The following DAPK1 variants were observed in gnomAD, a reference collection of about 807,000 sequenced individuals.
DAPK1 encodes the protein death-associated protein kinase 1.
Under a neutral mutation model 144.9 loss-of-function variants are expected in DAPK1, and 56 were observed. The ratio of observed to expected loss-of-function variants is 0.39; its 90% confidence interval spans 0.31 to 0.48. The LOEUF (loss-of-function observed/expected upper bound fraction) is 0.48, where lower values mean the gene tolerates loss of function less well. DAPK1 is among the 20% of genes least tolerant of loss of function. DAPK1 has a pLI of 0.95. For synonymous variants in DAPK1, 690 were observed against 749.0 expected, an observed-to-expected ratio of 0.92 and a Z score of 1.29; for missense variants, 1,454 against 1,875.4, an observed-to-expected ratio of 0.78 and a Z score of 4.15.
rs758709510 is a variant in DAPK1, at chr9:87,686,772, A to C, written c.2413+33A>C. 4.6e-6 allele frequency: 7 copies of C among 1,525,916 alleles called. No homozygotes were observed. In the South Asian group the frequency reaches 8.0e-5, roughly 17 times the overall value. The allele number at this position is 1,525,916 out of a possible 1,614,324, so 94.5% of individuals were successfully genotyped here. A position where few individuals can be genotyped will look rare whatever the true frequency, so the allele number is the denominator to read the frequency against. On this transcript the variant is annotated intron_variant, in intron 21 of 25. Transcript: ENST00000408954. The surrounding 1 kb of genome is among the most constrained non-coding windows in gnomAD (Gnocchi z 4.2). ...CTGCCTGCCCCAAGGGAAGGACCTC[A>C]GGTTTCCCTTCAACAGGGTTGTAAG...
intron 2 of DAPK1, among the ~76,000 whole-genome samples, chr9:87,559,789 G>A (rs1384060207): frequency 1.3e-5 from 2 of 152,130 alleles, no homozygotes; most frequent in African/African-American, 2.4e-5. Flanking sequence ...TGTTGGAAAG[G>A]ACTCTGGTGT....
In DAPK1 at chr9:87,647,313, C is replaced by A; in HGVS notation, c.1239C>A (p.Ser413=). The part of the protein sequence containing the change: ...SRIDVQDKGG[S]NAVYWAARHG... ...GGTTGATTTTCCTGCAGGGCGGGTCCAATGCCGTCTACTGGGCTGCTCGGC... is the reference window on the plus strand; with the variant it reads ...GGTTGATTTTCCTGCAGGGCGGGTCAAATGCCGTCTACTGGGCTGCTCGGC... The change falls in exon 14 of 26, where the codon TCC becomes TCA. Residue 413 remains serine, a synonymous_variant. Coordinates refer to ENST00000408954, the MANE Select transcript of DAPK1 (RefSeq NM_004938.4). 6.2e-7 allele frequency: 1 copy of A among 1,614,126 alleles called. No individual in the cohort carries two copies. The highest frequency in any genetic ancestry group is 8.5e-7 in the Non-Finnish European group (1 of 1,179,994).
chr9:87,503,254 T>A (rs1824474416), intron 2 of DAPK1, among the ~76,000 whole-genome samples: 1 of 151,830 alleles, frequency 6.6e-6, no homozygotes, highest in Non-Finnish European at 1.5e-5. Context: ...TATATGTGTG[T>A]GTGTATATGT....
intron 2 of DAPK1, among the ~76,000 whole-genome samples, chr9:87,501,846 G>T (rs1052591579): frequency 2.6e-5 from 4 of 152,220 alleles, no homozygotes; most frequent in Non-Finnish European, 5.9e-5. Context: ...TAATAGAGCA[G>T]ATGGGCCACT....
chr9:87,697,240 C>T (rs757590526), intron 22 of DAPK1, 36 bp downstream of exon 22: 1 of 981,054 alleles, frequency 1.0e-6, no homozygotes, highest in East Asian at 2.4e-5. Flanking sequence ...GATGTCCTAC[C>T]TGTGGTTGGC....
At chr9:87,528,788 C>G (rs952027831) in intron 2 of DAPK1, among the ~76,000 whole-genome samples, 1 of 149,100 alleles carries the variant, frequency 6.7e-6, no homozygotes, top group African/African-American at 2.5e-5. Context: ...AGGAGAATTT[C>G]TTGAACCCAG....
chr9:87,676,438 G>A (rs1280339558), intron 19 of DAPK1, among the ~76,000 whole-genome samples: 1 of 152,230 alleles, frequency 6.6e-6, no homozygotes. Flanking sequence ...ACGTGAAAAC[G>A]TGCCTCCACC....
At chr9:87,523,336 G>T (rs1172973388) in intron 2 of DAPK1, among the ~76,000 whole-genome samples, 2 of 152,134 alleles carry the variant, frequency 1.3e-5, no homozygotes, top group African/African-American at 2.4e-5. Context: ...TCATTCTGTT[G>T]CCCAGGCTGG....
intron 3 of DAPK1, among the ~76,000 whole-genome samples, chr9:87,620,619 T>G (rs1829261179): frequency 2.8e-5 from 4 of 143,900 alleles, no homozygotes; most frequent in South Asian, 2.2e-4. Flanking sequence ...GGACCGGGAA[T>G]AGGACAGGGA....
chr9:87,653,407 C>T (rs947734673), intron 17 of DAPK1, among the ~76,000 whole-genome samples: 1 of 152,190 alleles, frequency 6.6e-6, no homozygotes, highest in Non-Finnish European at 1.5e-5. Context: ...TTGCATTTTA[C>T]ATGTGACTTT....
intron 3 of DAPK1, among the ~76,000 whole-genome samples, chr9:87,637,537 ACTCT>A (rs1247708900): frequency 6.6e-6 from 1 of 152,214 alleles, no homozygotes; most frequent in Non-Finnish European, 1.5e-5. Context: ...CTTTTCAGGT[ACTCT>A]CTAATTGAAA....
chr9:87,621,868 C>T (rs1464402811), intron 3 of DAPK1, among the ~76,000 whole-genome samples: 1 of 152,104 alleles, frequency 6.6e-6, no homozygotes, highest in African/African-American at 2.4e-5. Flanking sequence ...CTCAGCCTCT[C>T]ATCACCAATC....
At chr9:87,698,524 C>T (rs1825339301) in intron 22 of DAPK1, 132 bp from the exon 23 acceptor site, 1 of 676,856 alleles carries the variant, frequency 1.5e-6, no homozygotes, top group African/African-American at 1.8e-5. Flanking sequence ...GGGCCTTCAT[C>T]TCTGTGGCAT....
At chr9:87,546,005 A>T (rs1049926384) in intron 2 of DAPK1, among the ~76,000 whole-genome samples, 2 of 152,126 alleles carry the variant, frequency 1.3e-5, no homozygotes, top group Non-Finnish European at 2.9e-5. Context: ...TTTGCAGTAC[A>T]GATTCTCAGT....
At chr9:87,625,377 G>A (rs910533228) in intron 3 of DAPK1, among the ~76,000 whole-genome samples, 2 of 152,228 alleles carry the variant, frequency 1.3e-5, no homozygotes, top group Non-Finnish European at 2.9e-5. Context: ...GAGAGCCTTG[G>A]TTGGTAATGT....
intron 21 of DAPK1, among the ~76,000 whole-genome samples, chr9:87,690,234 T>TTC (rs1284482599): frequency 2.3e-4 from 35 of 152,262 alleles, no homozygotes; most frequent in African/African-American, 6.0e-4. Flanking sequence ...TGGTTAAATT[T>TTC]ATTCCTGAGT....
At chr9:87,526,918 T>C (rs984079962) in intron 2 of DAPK1, among the ~76,000 whole-genome samples, 4 of 152,202 alleles carry the variant, frequency 2.6e-5, no homozygotes, top group Admixed American at 2.0e-4. Context: ...CATCCCCATA[T>C]GCTGTTTCTA....
At chr9:87,705,370 A>AG (rs112027025) in intron 25 of DAPK1, among the ~76,000 whole-genome samples, 4 of 151,540 alleles carry the variant, frequency 2.6e-5, no homozygotes, top group African/African-American at 9.7e-5. Flanking sequence ...TACAGACACA[A>AG]GCCATCACAC....
At chr9:87,498,214 G>C (rs1824252993) in intron 1 of DAPK1, 107 bp downstream of exon 1, 2 of 396,400 alleles carry the variant, frequency 5.0e-6, no homozygotes, top group Admixed American at 8.8e-5. Context: ...TCGAGCAACT[G>C]GGAAGGCCAA....
Sources: allele counts gnomAD v4.1 joint callset (sites outside exome capture counted in the v4.1 genomes callset), GRCh38; gene constraint gnomAD v4.1.1; non-coding constraint Gnocchi (gnomAD v3.1); transcripts MANE v1.5; gene names NCBI Gene and HGNC (gene_info 2026-07-23, HGNC 2026-07-21).